Variants in ATP8B1 observed in about 807,000 individuals in gnomAD.
The protein encoded by ATP8B1 is ATPase phospholipid transporting 8B1.
ATP8B1 carries 80 observed loss-of-function variants against 149.9 expected under a neutral mutation model. The observed-to-expected ratio is 0.53, with a 90% CI of 0.45 to 0.64. The LOEUF is 0.64. Ranked by LOEUF, ATP8B1 falls within the 30% of genes least tolerant of loss-of-function variation. ATP8B1 has a pLI of 0.00. For missense variants in ATP8B1, 1,247 were observed against 1,552.6 expected, an observed-to-expected ratio of 0.80 and a Z score of 3.31; for synonymous variants, 536 against 562.8, an observed-to-expected ratio of 0.95 and a Z score of 0.67.
intron 2 of ATP8B1, among the ~76,000 whole-genome samples, chr18:57,707,032 C>A (rs903690205): frequency 2.0e-5 from 3 of 152,172 alleles, no homozygotes; most frequent in Non-Finnish European, 2.9e-5. Flanking sequence ...GCAGGCCGGG[C>A]GCGGTGGCTC....
chr18:57,655,062 A>G, intron 23 of ATP8B1, 132 bp downstream of exon 23: 1 of 797,380 alleles, frequency 1.3e-6, no homozygotes, highest in East Asian at 2.7e-5. Flanking sequence ...ATTCTTAATT[A>G]TGCCCCAACT....
At chr18:57,704,256 C>T (rs527308605) in intron 4 of ATP8B1, among the ~76,000 whole-genome samples, 114 of 152,348 alleles carry the variant, frequency 7.5e-4, no homozygotes, top group African/African-American at 2.5e-3. Context: ...GCGTGGGCCA[C>T]TGAGCCTGGC....
intron 2 of ATP8B1, among the ~76,000 whole-genome samples, chr18:57,713,219 C>CTTT (rs1913803264): frequency 7.7e-6 from 1 of 129,746 alleles, no homozygotes; most frequent in African/African-American, 3.0e-5. Context: ...TTCCTTCCTT[C>CTTT]CTTCCTTCCT....
At chr18:57,795,222 G>A (rs948545011) in intron 1 of ATP8B1, among the ~76,000 whole-genome samples, 4 of 150,090 alleles carry the variant, frequency 2.7e-5, no homozygotes, top group Non-Finnish European at 5.9e-5. Flanking sequence ...GAGACACACA[G>A]ACACACACAC....
chr18:57,654,510 G>A (rs1021147756), intron 23 of ATP8B1, among the ~76,000 whole-genome samples: 2 of 151,632 alleles, frequency 1.3e-5, no homozygotes, highest in Non-Finnish European at 2.9e-5. Context: ...GTTGAGACGG[G>A]GTTTCACCAT....
chr18:57,698,570 G>A (rs1912950584), intron 6 of ATP8B1, among the ~76,000 whole-genome samples: 1 of 151,998 alleles, frequency 6.6e-6, no homozygotes, highest in Non-Finnish European at 1.5e-5. Context: ...CCTGACCTCA[G>A]GTGATCCACC....
At chr18:57,679,668 C>T (rs910213834) in intron 15 of ATP8B1, among the ~76,000 whole-genome samples, 1 of 152,042 alleles carries the variant, frequency 6.6e-6, no homozygotes, top group African/African-American at 2.4e-5. Context: ...AGCTGATTCA[C>T]TCTAATTTCT....
At chr18:57,661,600 A>G (rs1009639300) in intron 21 of ATP8B1, 138 bp from the exon 22 acceptor site, 2 of 842,598 alleles carry the variant, frequency 2.4e-6, no homozygotes, top group Non-Finnish European at 3.6e-6. Context: ...TTGATTTTAT[A>G]ACCAAAACAT....
chr18:57,688,454 A>G lies in ATP8B1; in HGVS notation c.1274T>C (p.Met425Thr), dbSNP rs1568196750. 1 of 1,614,166 alleles carries G rather than the reference A, an allele frequency of 6.2e-7. No individual in the cohort carries two copies. The highest frequency in any genetic ancestry group is 1.1e-5 in the South Asian group (1 of 91,084). The change falls in exon 13 of 28, where the codon ATG (methionine) becomes ACG (threonine). Residue 425 changes from methionine to threonine, a missense_variant. Coordinates refer to ENST00000648908, the MANE Select transcript of ATP8B1 (RefSeq NM_001374385.1). ...QSHFINWDLQ[M>T]YYAEKDTPAK... ...GGGTGTGTCCTTCTCAGCATAGTAC[A>G]TTTGCAGGTCCCAGTTGATGAAGTG...
At chr18:57,732,076 G>A (rs1055459443) in intron 1 of ATP8B1, 2 of 338,340 alleles carry the variant, frequency 5.9e-6, no homozygotes, top group African/African-American at 2.4e-5. Flanking sequence ...TTTAAACAAG[G>A]GTATATATAT....
chr18:57,726,708 T>C (rs958946611), intron 2 of ATP8B1, among the ~76,000 whole-genome samples: 1 of 152,196 alleles, frequency 6.6e-6, no homozygotes, highest in African/African-American at 2.4e-5. Context: ...CAAGAGATTC[T>C]TACCCAAGGT....
At chr18:57,724,210 A>ATGT (rs2079680748) in intron 2 of ATP8B1, among the ~76,000 whole-genome samples, 19 of 147,456 alleles carry the variant, frequency 1.3e-4, no homozygotes, top group Admixed American at 1.1e-3. Flanking sequence ...CATGTCCAAA[A>ATGT]CACCAAAAGC....
intron 1 of ATP8B1, among the ~76,000 whole-genome samples, chr18:57,799,570 A>C (rs1274747598): frequency 1.3e-5 from 2 of 152,030 alleles, no homozygotes; most frequent in Non-Finnish European, 2.9e-5. Context: ...TTAGCTGAGC[A>C]TGGTGGCACA....
rs1042617630 is a variant in ATP8B1, at chr18:57,648,282, G to A, written c.*206C>T. ...ATTACAGACCTGAGCCACCACGCCC[G>A]GCCGAATAATAGGACTTTTAAAAGT... is the stretch of plus-strand genomic sequence containing the variant. On this transcript the variant is annotated 3_prime_UTR_variant, in exon 28 of 28. Transcript: ENST00000648908. 8.7e-6 allele frequency: 6 copies of A among 690,906 alleles called. No homozygotes were observed. The highest frequency in any genetic ancestry group is 2.7e-5 in the East Asian group (1 of 36,526). The allele number at this position is 690,906 out of a possible 1,614,324, so 42.8% of individuals were successfully genotyped here.
At chr18:57,773,140 C>T (rs538741071) in intron 1 of ATP8B1, among the ~76,000 whole-genome samples, 1 of 143,204 alleles carries the variant, frequency 7.0e-6, no homozygotes, top group Non-Finnish European at 1.5e-5. Flanking sequence ...AGGCAGAGGA[C>T]GCAGTGAGCC....
At chr18:57,676,931 G>C (rs988449660) in intron 15 of ATP8B1, among the ~76,000 whole-genome samples, 3 of 152,138 alleles carry the variant, frequency 2.0e-5, no homozygotes, top group Non-Finnish European at 4.4e-5. Flanking sequence ...AGGATCACTT[G>C]AGCCCAGGAG....
rs563860864 is a variant in ATP8B1, at chr18:57,786,321, G to A, written c.-26+16677C>T. 2.6e-5 allele frequency among the ~76,000 whole-genome samples: 4 copies of A among 152,280 alleles called. No individual in the cohort carries two copies. The South Asian group carries it at 8.3e-4, about 32-fold the overall frequency. The stretch of plus-strand genomic sequence containing the variant: ...TAAGGAATCCTAACACACCTTTGCT[G>A]CCGTGGCTGGACATCACTTCAGAAT... On this transcript the variant is annotated intron_variant, in intron 1 of 27. Coordinates refer to ENST00000648908, the MANE Select transcript of ATP8B1 (RefSeq NM_001374385.1).
At chr18:57,684,252 G>C (rs1912124646) in intron 14 of ATP8B1, 60 bp from the exon 15 acceptor site, 1 of 1,529,460 alleles carries the variant, frequency 6.5e-7, no homozygotes, top group African/African-American at 1.4e-5. Context: ...CTTAACAAAT[G>C]ACATGAACTT....
intron 1 of ATP8B1, among the ~76,000 whole-genome samples, chr18:57,792,663 G>A (rs2850230): frequency 0.044 from 6,743 of 152,196 alleles, 463 homozygotes; most frequent in African/African-American, 0.15. Flanking sequence ...AGGTTCTGAC[G>A]TAGATTGTGG....
Sources: allele counts gnomAD v4.1 joint callset (sites outside exome capture counted in the v4.1 genomes callset), GRCh38; gene constraint gnomAD v4.1.1; transcripts MANE v1.5; gene names NCBI Gene and HGNC (gene_info 2026-07-23, HGNC 2026-07-21).